Variants in NTRK2 observed in about 807,000 individuals in gnomAD.
The protein encoded by NTRK2 is BDNF/NT-3 growth factors receptor.
A neutral mutation model predicts 94.5 loss-of-function variants in NTRK2; 13 were observed. The ratio of observed to expected loss-of-function variants is 0.14; its 90% CI spans 0.09 to 0.22. The LOEUF (loss-of-function observed/expected upper bound fraction) is 0.22, where lower values mean the gene tolerates loss of function less well. NTRK2 is among the 10% of genes least tolerant of loss of function. The pLI, the probability that NTRK2 is intolerant of heterozygous loss-of-function variation, is 1.00. For synonymous variants in NTRK2, 372 were observed against 407.4 expected (o/e 0.91, Z 1.05); for missense variants, 639 against 1,071.2 (o/e 0.60, Z 5.63).
intron 4 of NTRK2, among the ~76,000 whole-genome samples, chr9:84,706,521 G>GTTTT (rs1173199220): frequency 0.036 from 3,391 of 94,846 alleles, 594 homozygotes; most frequent in Non-Finnish European, 0.041. Context: ...GTTATTTTTT[G>GTTTT]TTTTTGTTTT....
intron 2 of NTRK2, among the ~76,000 whole-genome samples, chr9:84,693,159 A>C (rs1348539904): frequency 6.6e-6 from 1 of 152,210 alleles, no homozygotes; most frequent in Non-Finnish European, 1.5e-5. Context: ...CTAAAAAATA[A>C]AGCACCCTTG....
At chr9:84,974,326 T>A (rs1826541556) in intron 17 of NTRK2, among the ~76,000 whole-genome samples, 1 of 152,200 alleles carries the variant, frequency 6.6e-6, no homozygotes, top group East Asian at 1.9e-4. Context: ...GGCAAATGAA[T>A]CAATCGTTAT....
intron 16 of NTRK2, among the ~76,000 whole-genome samples, chr9:84,951,177 T>C (rs1235260555): frequency 2.0e-5 from 3 of 152,206 alleles, no homozygotes; most frequent in African/African-American, 7.2e-5. Context: ...TGTTCTCTGC[T>C]TTTCCTATGA....
intron 15 of NTRK2, among the ~76,000 whole-genome samples, chr9:84,940,286 C>T (rs1477045200): frequency 6.6e-6 from 1 of 152,194 alleles, no homozygotes; most frequent in Non-Finnish European, 1.5e-5. Context: ...CTTGGCCTCC[C>T]TGTGATGAGA....
chr9:84,785,553 T>C (rs1272613458), intron 12 of NTRK2, among the ~76,000 whole-genome samples: 1 of 152,154 alleles, frequency 6.6e-6, no homozygotes, highest in Admixed American at 6.5e-5. Flanking sequence ...GGCAGATGCA[T>C]TGCAGTGGGA....
At chr9:84,928,845 T>C (rs2077917133) in intron 14 of NTRK2, among the ~76,000 whole-genome samples, 1 of 152,296 alleles carries the variant, frequency 6.6e-6, no homozygotes. Flanking sequence ...TTTTAGAGTA[T>C]ATTAGTTTTA....
chr9:84,867,001 G>A (rs982529603), intron 13 of NTRK2, among the ~76,000 whole-genome samples: 2 of 152,202 alleles, frequency 1.3e-5, no homozygotes, highest in African/African-American at 2.4e-5. Flanking sequence ...CATATGAAAT[G>A]CCAGAGAGAT....
intron 14 of NTRK2, among the ~76,000 whole-genome samples, chr9:84,870,331 G>GTATGTATATGTA (rs1554757547): frequency 6.4e-5 from 2 of 31,176 alleles, no homozygotes; most frequent in African/African-American, 1.8e-4. Context: ...GTGTGTGTGT[G>GTATGTATATGTA]TATATATATA....
chr9:84,932,158 A>T (rs1187764046), intron 14 of NTRK2, among the ~76,000 whole-genome samples: 1 of 152,196 alleles, frequency 6.6e-6, no homozygotes, highest in African/African-American at 2.4e-5. Context: ...CCAAAAAGAA[A>T]CCAAGCAGGC....
At chr9:84,786,863 T>G (rs2068165673) in intron 12 of NTRK2, among the ~76,000 whole-genome samples, 1 of 152,180 alleles carries the variant, frequency 6.6e-6, no homozygotes, top group Non-Finnish European at 1.5e-5. Flanking sequence ...GAAAAATATG[T>G]CGAAAATCCA....
At chr9:84,922,010 T>TA (rs538279060) in intron 14 of NTRK2, among the ~76,000 whole-genome samples, 7 of 152,186 alleles carry the variant, frequency 4.6e-5, no homozygotes, top group Admixed American at 3.3e-4. Flanking sequence ...TTCTTAAAAT[T>TA]AAAAAAATCT....
chr9:84,782,396 G>C (rs1044886003), intron 12 of NTRK2, among the ~76,000 whole-genome samples: 1 of 152,224 alleles, frequency 6.6e-6, no homozygotes, highest in Non-Finnish European at 1.5e-5. Flanking sequence ...AAACGGAACT[G>C]TGAAGAAGCA....
chr9:84,872,717 T>C lies in NTRK2; in HGVS notation c.1633+5286T>C, dbSNP rs1181226292. 8 of 1,065,150 alleles carry C rather than the reference T, an allele frequency of 7.5e-6. No individual in the cohort carries two copies. The East Asian group carries it at 3.5e-4, about 46-fold the overall frequency. The allele number at this position is 1,065,150 out of a possible 1,614,324, so 66.0% of individuals were successfully genotyped here. On this transcript the variant is annotated intron_variant, in intron 14 of 18. Coordinates refer to ENST00000277120, the MANE Select transcript of NTRK2 (RefSeq NM_006180.6). Reference sequence around the variant, plus strand: ...GTTAATGTGTGTGTATCCTTGTGTATATGTGTGTTTGTGTGTGCATATGTG... The same window carrying C: ...GTTAATGTGTGTGTATCCTTGTGTACATGTGTGTTTGTGTGTGCATATGTG...
intron 14 of NTRK2, chr9:84,872,417 C>T: frequency 9.3e-7 from 1 of 1,077,600 alleles, no homozygotes; most frequent in South Asian, 4.3e-5. Flanking sequence ...TATAGATGTC[C>T]TCCCTAAAAT....
chr9:84,821,272 TTATG>T (rs1324512823), intron 12 of NTRK2, among the ~76,000 whole-genome samples: 3 of 151,984 alleles, frequency 2.0e-5, no homozygotes, highest in Non-Finnish European at 2.9e-5. Flanking sequence ...GCTTGCATGT[TTATG>T]TGTGTGTGCG....
chr9:84,741,882 T>C lies in NTRK2; in HGVS notation c.1160-10T>C. On this transcript the variant is annotated splice_polypyrimidine_tract_variant and intron_variant, in intron 9 of 18. Transcript: ENST00000277120. ...ATACTTACAAATCTTTGCTCTGTTTTGCCTTTTAGGTGCAAACCCAAATTA... is the reference window on the plus strand; with the variant it reads ...ATACTTACAAATCTTTGCTCTGTTTCGCCTTTTAGGTGCAAACCCAAATTA... The C allele has an allele frequency of 6.2e-7, 1 of 1,612,196 alleles. No homozygotes were observed. Among genetic ancestry groups the C allele is most frequent in the South Asian group, 1.1e-5 (1 of 90,962 alleles).
chr9:84,868,790 A>T (rs2075710519), intron 14 of NTRK2, among the ~76,000 whole-genome samples: 1 of 152,196 alleles, frequency 6.6e-6, no homozygotes, highest in Non-Finnish European at 1.5e-5. Flanking sequence ...AAGACTAAGC[A>T]GGATACTGTG....
intron 14 of NTRK2, among the ~76,000 whole-genome samples, chr9:84,909,052 T>A (rs1190006607): frequency 6.6e-6 from 1 of 152,134 alleles, no homozygotes; most frequent in African/African-American, 2.4e-5. Flanking sequence ...CAAGGATCCC[T>A]CATGCTGTTC....
At chr9:84,772,188 T>G (rs1436594419) in intron 12 of NTRK2, among the ~76,000 whole-genome samples, 2 of 152,182 alleles carry the variant, frequency 1.3e-5, no homozygotes, top group Non-Finnish European at 2.9e-5. Flanking sequence ...ATACCTCAGA[T>G]GGACAATGAT....
Sources: gnomAD v4.1 joint callset for allele counts (sites outside exome capture counted in the v4.1 genomes callset) on GRCh38, gnomAD v4.1.1 for gene constraint, MANE v1.5 for transcripts, NCBI Gene and HGNC (gene_info 2026-07-23, HGNC 2026-07-21) for gene names.